MAP1LC3A: variants seen among roughly 807,000 people sequenced by gnomAD.
The protein encoded by MAP1LC3A is microtubule-associated protein 1 light chain 3 alpha.
Under a neutral mutation model 15.2 loss-of-function variants are expected in MAP1LC3A, and 10 were observed. That is an observed-to-expected ratio of 0.66 (90% CI 0.41 to 1.12). The LOEUF (loss-of-function observed/expected upper bound fraction) is 1.12. Ranked by LOEUF, MAP1LC3A falls within the 50% of genes most tolerant of loss-of-function variation. The probability of loss-of-function intolerance (pLI) is 0.00; values close to 1 mark genes in which losing one functional copy is unlikely to be tolerated. For missense variants in MAP1LC3A, 138 were observed against 167.3 expected (o/e 0.82, Z 0.97); for synonymous variants, 63 against 64.3 (o/e 0.98, Z 0.10).
At chr20:34,556,658 G>A (rs1411481417), upstream of MAP1LC3A, among the ~76,000 whole-genome samples, 3 of 151,578 alleles carry the variant, frequency 2.0e-5, no homozygotes, top group Non-Finnish European at 4.4e-5. Context: ...GGGCAGTGGC[G>A]CAATCTCAGC....
chr20:34,552,772 C>T (rs538359734), intron 2 of MAP1LC3A, among the ~76,000 whole-genome samples: 2 of 152,322 alleles, frequency 1.3e-5, no homozygotes, highest in African/African-American at 2.4e-5. Context: ...CAGTGGCGGC[C>T]GTGGTGTGCC....
At chr20:34,553,868 C>A (rs1340823451), upstream of MAP1LC3A, among the ~76,000 whole-genome samples, 1 of 152,150 alleles carries the variant, frequency 6.6e-6, no homozygotes, top group Admixed American at 6.5e-5. Flanking sequence ...GAACACACAG[C>A]AAGCTATTGA....
chr20:34,556,657 C>T (rs185899810), upstream of MAP1LC3A, among the ~76,000 whole-genome samples: 69 of 151,272 alleles, frequency 4.6e-4, 1 homozygote, highest in East Asian at 5.8e-3. Context: ...AGGGCAGTGG[C>T]GCAATCTCAG....
upstream of MAP1LC3A, among the ~76,000 whole-genome samples, chr20:34,556,424 T>TAAC (rs1982160387): frequency 6.6e-6 from 1 of 152,078 alleles, no homozygotes; most frequent in African/African-American, 2.4e-5. Flanking sequence ...GTTAAAAAAC[T>TAAC]AACTGTCAGG....
At chr20:34,553,633 G>T (rs1439514845) in intron 2 of MAP1LC3A, among the ~76,000 whole-genome samples, 1 of 152,172 alleles carries the variant, frequency 6.6e-6, no homozygotes, top group African/African-American at 2.4e-5. Flanking sequence ...ATCAAAAGTC[G>T]GCAAACTAAG....
chr20:34,550,737 C>T (rs113750745), intron 2 of MAP1LC3A, among the ~76,000 whole-genome samples: 334 of 152,216 alleles, frequency 2.2e-3, no homozygotes, highest in African/African-American at 6.1e-3. Context: ...CAAACACACA[C>T]CTGCCCCCAA....
chr20:34,555,765 T>C (rs747351338), upstream of MAP1LC3A, among the ~76,000 whole-genome samples: 7 of 151,258 alleles, frequency 4.6e-5, no homozygotes, highest in Non-Finnish European at 1.0e-4. Flanking sequence ...AATTCTCCAG[T>C]CTGGGCCCCC....
At chr20:34,552,905 G>A (rs1982000026) in intron 2 of MAP1LC3A, among the ~76,000 whole-genome samples, 1 of 152,144 alleles carries the variant, frequency 6.6e-6, no homozygotes, top group African/African-American at 2.4e-5. Context: ...TGACTCTGAG[G>A]AGGCCGGGCA....
chr20:34,559,692 G>A (rs200722007), intron 3 of MAP1LC3A, 44 bp from the exon 4 acceptor site: 9 of 1,564,698 alleles, frequency 5.8e-6, no homozygotes, highest in African/African-American at 1.4e-5. Flanking sequence ...TGTCCGTCCC[G>A]CAGCCAAGCC....
intron 2 of MAP1LC3A, among the ~76,000 whole-genome samples, chr20:34,552,747 C>A (rs1342375365): frequency 6.6e-6 from 1 of 152,254 alleles, no homozygotes; most frequent in Non-Finnish European, 1.5e-5. Flanking sequence ...GTGGTCGGGG[C>A]TCTGGCCCTG....
upstream of MAP1LC3A, chr20:34,558,539 C>T (rs1982246129): frequency 8.9e-7 from 1 of 1,125,614 alleles, no homozygotes; most frequent in South Asian, 4.2e-5. The surrounding 1 kb of genome is among the most constrained non-coding windows in gnomAD (Gnocchi z 4.3). Flanking sequence ...AGCTCCCGCG[C>T]TGCCCATGAC....
At chr20:34,559,498 G>A (rs1351130910) in intron 3 of MAP1LC3A, 45 bp downstream of exon 3, 1 of 1,552,858 alleles carries the variant, frequency 6.4e-7, no homozygotes, top group East Asian at 2.3e-5. Flanking sequence ...GTCGGGAGGG[G>A]AGCCGGGTTC....
intron 1 of MAP1LC3A, among the ~76,000 whole-genome samples, chr20:34,548,479 C>T (rs1316175935): frequency 3.6e-5 from 5 of 137,260 alleles, no homozygotes; most frequent in East Asian, 2.2e-4. Flanking sequence ...GGCCTGAGCA[C>T]GCCCCTGGCT....
chr20:34,554,354 GTT>G (rs537779341), upstream of MAP1LC3A, among the ~76,000 whole-genome samples: 26 of 106,118 alleles, frequency 2.5e-4, no homozygotes, highest in African/African-American at 6.7e-4. Context: ...TATACGTTGG[GTT>G]TTTTTTTTTT....
At chr20:34,559,594 C>A in intron 3 of MAP1LC3A, 141 bp downstream of exon 3, 4 of 1,233,134 alleles carry the variant, frequency 3.2e-6, no homozygotes, top group Admixed American at 2.0e-5. Context: ...AGGTCAAGGT[C>A]GGGGCTGCAG....
intron 2 of MAP1LC3A, among the ~76,000 whole-genome samples, chr20:34,551,551 A>G (rs1372558516): frequency 7.0e-6 from 1 of 142,442 alleles, no homozygotes; most frequent in Non-Finnish European, 1.5e-5. Flanking sequence ...GGCTCACTGC[A>G]ACCTCTGCCT....
intron 2 of MAP1LC3A, among the ~76,000 whole-genome samples, chr20:34,551,433 G>A (rs1414967892): frequency 6.6e-6 from 1 of 151,490 alleles, no homozygotes; most frequent in Non-Finnish European, 1.5e-5. Flanking sequence ...GTAGACTGGT[G>A]AGGCCCAAGG....
At chr20:34,554,312 G>C (rs192827390), upstream of MAP1LC3A, among the ~76,000 whole-genome samples, 1 of 142,522 alleles carries the variant, frequency 7.0e-6, no homozygotes, top group Admixed American at 7.0e-5. Context: ...TTACCACATA[G>C]TATAGTGTTT....
chr20:34,560,159 ATCT>A lies in MAP1LC3A; in HGVS notation c.*263_*265del, dbSNP rs1982395271. The A allele has an allele frequency of 2.7e-6, 1 of 366,506 alleles. No homozygotes were observed. The highest frequency in any genetic ancestry group is 4.6e-5 in the Admixed American group (1 of 21,512). The allele number at this position is 366,506 out of a possible 1,614,324, so 22.7% of individuals were successfully genotyped here. On this transcript the variant is annotated 3_prime_UTR_variant, in exon 4 of 4. Coordinates refer to ENST00000360668, the MANE Select transcript of MAP1LC3A (RefSeq NM_032514.4). ...TCCCAGCACCCCTGCTGTGTGGTTC[ATCT>A]TTTTTTTAGGCCCCTGCCTGTCTGC...
Sources: allele counts gnomAD v4.1 joint callset (sites outside exome capture counted in the v4.1 genomes callset), GRCh38; gene constraint gnomAD v4.1.1; non-coding constraint Gnocchi (gnomAD v3.1); transcripts MANE v1.5; gene names NCBI Gene and HGNC (gene_info 2026-07-23, HGNC 2026-07-21).